SORCS1: variants seen among roughly 807,000 people sequenced by gnomAD.
SORCS1 encodes sortilin related VPS10 domain containing receptor 1.
In SORCS1, 60 loss-of-function variants were observed where a neutral mutation model predicts 146.1. The observed-to-expected ratio is 0.41, with a 90% CI of 0.33 to 0.51. The LOEUF (loss-of-function observed/expected upper bound fraction) is 0.51, where lower values mean the gene tolerates loss of function less well. Among genes scored for constraint, SORCS1 ranks in the 20% least tolerant of loss-of-function variants. The probability of loss-of-function intolerance (pLI) is 0.21; values close to 1 mark genes in which losing one functional copy is unlikely to be tolerated. For missense variants in SORCS1, 1,352 were observed against 1,487.6 expected (o/e 0.91, Z 1.50); for synonymous variants, 637 against 584.0 (o/e 1.09, Z -1.31).
chr10:106,912,187 T>C (rs1233465005), intron 2 of SORCS1, among the ~76,000 whole-genome samples: 1 of 151,686 alleles, frequency 6.6e-6, no homozygotes, highest in Non-Finnish European at 1.5e-5. Flanking sequence ...CCACTTTAGG[T>C]TAACTGTGGC....
intron 1 of SORCS1, among the ~76,000 whole-genome samples, chr10:107,088,939 G>T (rs1963968137): frequency 6.6e-6 from 1 of 151,246 alleles, no homozygotes; most frequent in Non-Finnish European, 1.5e-5. Context: ...GTTATTATTT[G>T]TTATTAAGAT....
intron 1 of SORCS1, among the ~76,000 whole-genome samples, chr10:107,092,063 G>A (rs1035563104): frequency 1.3e-5 from 2 of 152,198 alleles, no homozygotes; most frequent in East Asian, 1.9e-4. Flanking sequence ...AATATTGAAA[G>A]TTGATTTAGG....
rs562610428 is a variant in SORCS1, at chr10:107,107,893, T to C, written c.558+56076A>G. 4.6e-5 allele frequency among the ~76,000 whole-genome samples: 7 copies of C among 152,310 alleles called. No individual in the cohort carries two copies. The South Asian group carries it at 8.3e-4, about 18-fold the overall frequency. On this transcript the variant is annotated intron_variant, in intron 1 of 25. Coordinates refer to ENST00000263054, the MANE Select transcript of SORCS1 (RefSeq NM_052918.5). ...AGAAAAATTCATGCACACTAGTACA[T>C]TGGCAGACAGGCCAGCCAAAGTTGA... is the stretch of plus-strand genomic sequence containing the variant.
intron 1 of SORCS1, among the ~76,000 whole-genome samples, chr10:106,987,274 C>T (rs1046362812): frequency 3.9e-5 from 6 of 152,208 alleles, no homozygotes; most frequent in African/African-American, 9.7e-5. Flanking sequence ...GGCTCAGCTA[C>T]TTACTAAGCT....
chr10:106,584,876 T>A (rs1363613723), intron 24 of SORCS1, among the ~76,000 whole-genome samples: 1 of 152,098 alleles, frequency 6.6e-6, no homozygotes, highest in Non-Finnish European at 1.5e-5. Flanking sequence ...AGACCAACCA[T>A]CATCATAATA....
chr10:107,170,799 G>A, the SORCS1 span, among the ~76,000 whole-genome samples: 3 of 152,216 alleles, frequency 2.0e-5, no homozygotes, highest in South Asian at 2.1e-4. Context: ...TCTGGTAGTG[G>A]CACAGAGGGA....
chr10:106,729,011 G>A (rs1005697588), intron 6 of SORCS1, among the ~76,000 whole-genome samples: 5 of 151,952 alleles, frequency 3.3e-5, no homozygotes, highest in Non-Finnish European at 7.4e-5. Context: ...CACCTGGAGT[G>A]CTCTATCCTA....
intron 1 of SORCS1, among the ~76,000 whole-genome samples, chr10:107,019,460 T>C (rs753719628): frequency 3.3e-5 from 5 of 152,156 alleles, no homozygotes; most frequent in Non-Finnish European, 4.4e-5. Flanking sequence ...ATGTTATTGC[T>C]AGGATTTTTA....
At chr10:106,580,197 G>A (rs897305213) in intron 24 of SORCS1, among the ~76,000 whole-genome samples, 7 of 152,148 alleles carry the variant, frequency 4.6e-5, no homozygotes, top group Admixed American at 1.3e-4. Context: ...AGTATTTCAC[G>A]AGGGTAGCCG....
At chr10:106,656,979 C>T (rs75035120) in intron 17 of SORCS1, among the ~76,000 whole-genome samples, 10,468 of 152,060 alleles carry the variant, frequency 0.069, 439 homozygotes, top group East Asian at 0.21. Flanking sequence ...GAAAAGAGAA[C>T]GCTTATATAT....
chr10:106,743,832 TA>T (rs1049256728), intron 5 of SORCS1, among the ~76,000 whole-genome samples: 1 of 151,858 alleles, frequency 6.6e-6, no homozygotes, highest in Non-Finnish European at 1.5e-5. Flanking sequence ...TATACAGAAG[TA>T]AAAAAAAGGA....
chr10:107,084,777 A>C (rs1166234919), intron 1 of SORCS1, among the ~76,000 whole-genome samples: 1 of 152,182 alleles, frequency 6.6e-6, no homozygotes, highest in Non-Finnish European at 1.5e-5. Flanking sequence ...TAAATTCTAC[A>C]AAACCACAAA....
At chr10:106,835,793 G>A (rs1205475896) in intron 2 of SORCS1, among the ~76,000 whole-genome samples, 1 of 151,632 alleles carries the variant, frequency 6.6e-6, no homozygotes, top group Non-Finnish European at 1.5e-5. Flanking sequence ...ATCAACTGAG[G>A]TCGGGAGTTT....
At chr10:106,975,156 A>T (rs192324458) in intron 1 of SORCS1, among the ~76,000 whole-genome samples, 5 of 152,362 alleles carry the variant, frequency 3.3e-5, no homozygotes. Flanking sequence ...TTTAAATAAT[A>T]ATAGTAACAG....
At chr10:106,956,078 C>T (rs1302408146) in intron 2 of SORCS1, among the ~76,000 whole-genome samples, 1 of 151,354 alleles carries the variant, frequency 6.6e-6, no homozygotes, top group Non-Finnish European at 1.5e-5. Context: ...TGCGCTGAGC[C>T]GAGATGCGCC....
chr10:106,598,026 G>A (rs910427132), intron 23 of SORCS1, among the ~76,000 whole-genome samples: 2 of 151,932 alleles, frequency 1.3e-5, no homozygotes, highest in South Asian at 2.1e-4. Flanking sequence ...CACGGATACC[G>A]GGCAGACCCA....
intron 3 of SORCS1, among the ~76,000 whole-genome samples, chr10:106,826,632 T>C (rs950223391): frequency 5.3e-5 from 8 of 152,226 alleles, no homozygotes; most frequent in African/African-American, 9.6e-5. Flanking sequence ...AGAAAAACTA[T>C]GCACAAATAT....
chr10:106,673,391 A>C (rs1043738777), intron 14 of SORCS1, among the ~76,000 whole-genome samples: 6 of 152,172 alleles, frequency 3.9e-5, no homozygotes, highest in South Asian at 4.1e-4. Context: ...TTGGCCTCCC[A>C]AAGTGCTAGA....
At chr10:106,993,014 T>C (rs191763043) in intron 1 of SORCS1, among the ~76,000 whole-genome samples, 47 of 152,070 alleles carry the variant, frequency 3.1e-4, no homozygotes, top group African/African-American at 1.0e-3. Flanking sequence ...GTATTTTTAG[T>C]AGAGACGGGG....
Sources: gnomAD v4.1 joint callset for allele counts (sites outside exome capture counted in the v4.1 genomes callset) on GRCh38, gnomAD v4.1.1 for gene constraint, MANE v1.5 for transcripts, NCBI Gene and HGNC (gene_info 2026-07-23, HGNC 2026-07-21) for gene names.